The following BICC1 variants were observed in gnomAD, a reference collection of about 807,000 sequenced individuals.
BICC1 encodes the protein protein bicaudal C homolog 1.
In BICC1, 43 loss-of-function variants were observed where a neutral mutation model predicts 111.0. That is an observed-to-expected ratio of 0.39 (90% CI 0.30 to 0.50). The LOEUF is 0.50. Ranked by LOEUF, BICC1 falls within the 20% of genes least tolerant of loss-of-function variation. BICC1 has a pLI of 0.88. For synonymous variants in BICC1, 467 were observed against 434.4 expected, an observed-to-expected ratio of 1.07 and a Z score of -0.93; for missense variants, 1,091 against 1,203.2, an observed-to-expected ratio of 0.91 and a Z score of 1.38.
Position 58,789,436 on chromosome 10 carries a change from A to G in BICC1, c.775A>G (p.Asn259Asp), listed in dbSNP as rs766193556. 32 of 1,613,724 alleles carry G rather than the reference A, an allele frequency of 2.0e-5. No homozygotes were observed. In the African/African-American group the frequency reaches 4.0e-4, roughly 20 times the overall value. The change falls in exon 7 of 21, where the codon AAT (asparagine) becomes GAT (aspartate). Residue 259 changes from asparagine (N) to aspartate (D), a missense_variant. Physicochemically the swap from Asn to Asp is conservative, Grantham distance 23. Around this residue, in one of 3 missense-constraint regions of BICC1, gnomAD observed 843 missense variants for 900.8 expected, o/e 0.94. Transcript: ENST00000373886. ...TACTGTCATAGTACGAGGGTCTCAG[A>G]ATAACACTAGTGCTGTGAAGGTAAA... Reference protein sequence around the residue: ...GATVIVRGSQNNTSAVKEGTA... With the variant: ...GATVIVRGSQDNTSAVKEGTA...
intron 1 of BICC1, among the ~76,000 whole-genome samples, chr10:58,599,265 A>G (rs775779083): frequency 1.1e-4 from 16 of 152,162 alleles, no homozygotes; most frequent in Non-Finnish European, 2.4e-4. Context: ...GTACCTCAAT[A>G]ATAGACTGGA....
chr10:58,632,471 C>T (rs775707539), intron 2 of BICC1, among the ~76,000 whole-genome samples: 31 of 151,384 alleles, frequency 2.0e-4, no homozygotes, highest in Non-Finnish European at 3.2e-4. Flanking sequence ...TCCAGTGTGG[C>T]GAGAGCTTTA....
intron 1 of BICC1, among the ~76,000 whole-genome samples, chr10:58,596,020 T>C (rs1273440395): frequency 1.3e-5 from 2 of 152,086 alleles, no homozygotes; most frequent in Non-Finnish European, 2.9e-5. Context: ...AAAAATGATA[T>C]AGGGGATATC....
chr10:58,754,197 G>A (rs533962976), intron 3 of BICC1, among the ~76,000 whole-genome samples: 2 of 152,176 alleles, frequency 1.3e-5, no homozygotes, highest in African/African-American at 2.4e-5. Context: ...CTCAAACATA[G>A]CTCTGTATAA....
chr10:58,666,980 T>G (rs1414145137), intron 2 of BICC1, among the ~76,000 whole-genome samples: 1 of 152,146 alleles, frequency 6.6e-6, no homozygotes, highest in African/African-American at 2.4e-5. Context: ...ATAAATATAT[T>G]AGACATAATG....
intron 8 of BICC1, among the ~76,000 whole-genome samples, chr10:58,791,555 G>A (rs923879092): frequency 1.3e-4 from 20 of 152,066 alleles, no homozygotes; most frequent in Non-Finnish European, 2.4e-4. Flanking sequence ...GGCCAATATG[G>A]TGAAACCCCA....
chr10:58,795,513 C>G (rs1318645003), intron 9 of BICC1, among the ~76,000 whole-genome samples: 1 of 152,066 alleles, frequency 6.6e-6, no homozygotes, highest in Admixed American at 6.6e-5. Context: ...TCCAGGAGTT[C>G]AGTAAGAAAT....
At chr10:58,715,446 A>G (rs1445966233) in intron 3 of BICC1, 3 of 671,974 alleles carry the variant, frequency 4.5e-6, no homozygotes, top group Non-Finnish European at 8.0e-6. Context: ...CTTAAAAAAT[A>G]AGCAGAGCAG....
intron 3 of BICC1, among the ~76,000 whole-genome samples, chr10:58,746,731 C>A (rs1467366530): frequency 6.6e-6 from 1 of 152,096 alleles, no homozygotes; most frequent in African/African-American, 2.4e-5. Context: ...GCCATTGTTT[C>A]CTAGCTGGGT....
chr10:58,689,938 A>G (rs1400370177), intron 2 of BICC1, among the ~76,000 whole-genome samples: 1 of 152,212 alleles, frequency 6.6e-6, no homozygotes, highest in Non-Finnish European at 1.5e-5. Flanking sequence ...AACTTGATGC[A>G]TTACAAATTT....
At chr10:58,683,488 C>T (rs945077918) in intron 2 of BICC1, among the ~76,000 whole-genome samples, 10 of 152,086 alleles carry the variant, frequency 6.6e-5, no homozygotes, top group African/African-American at 1.7e-4. Flanking sequence ...GCCATTTTCA[C>T]GATATTGATT....
chr10:58,692,155 A>G (rs1224596012), intron 2 of BICC1, among the ~76,000 whole-genome samples: 1 of 152,100 alleles, frequency 6.6e-6, no homozygotes, highest in African/African-American at 2.4e-5. Flanking sequence ...TTGCCACAAT[A>G]TACTGAGTAT....
At chr10:58,674,074 T>G (rs974278112) in intron 2 of BICC1, among the ~76,000 whole-genome samples, 7 of 152,260 alleles carry the variant, frequency 4.6e-5, no homozygotes, top group Admixed American at 4.6e-4. Context: ...TACCAACATT[T>G]TAGAATTAAG....
At chr10:58,639,578 T>G (rs1838058618) in intron 2 of BICC1, among the ~76,000 whole-genome samples, 1 of 147,404 alleles carries the variant, frequency 6.8e-6, no homozygotes, top group African/African-American at 2.5e-5. Context: ...TTTTTTTTTT[T>G]TTTTTTTTTT....
At chr10:58,706,367 TG>T (rs1291528397) in intron 3 of BICC1, among the ~76,000 whole-genome samples, 1 of 152,236 alleles carries the variant, frequency 6.6e-6, no homozygotes, top group African/African-American at 2.4e-5. Context: ...TGATTTGCAA[TG>T]AGCATTTATC....
At chr10:58,816,761 GTGT>G (rs1328710727) in intron 18 of BICC1, among the ~76,000 whole-genome samples, 2 of 147,916 alleles carry the variant, frequency 1.4e-5, no homozygotes, top group Non-Finnish European at 3.0e-5. Flanking sequence ...GTGTGTGTGT[GTGT>G]GTGTGTGTGT....
At chr10:58,696,395 A>T (rs1174847645) in intron 2 of BICC1, among the ~76,000 whole-genome samples, 2 of 152,126 alleles carry the variant, frequency 1.3e-5, no homozygotes, top group Admixed American at 1.3e-4. Flanking sequence ...TATATTTTAA[A>T]ATTGATATTC....
Position 58,828,949 on chromosome 10 carries a change from T to C in BICC1, c.*58T>C, listed in dbSNP as rs991230413. 3 of 1,602,504 alleles carry C rather than the reference T, an allele frequency of 1.9e-6. No individual in the cohort carries two copies. Among genetic ancestry groups the C allele is most frequent in the Non-Finnish European group, 2.6e-6 (3 of 1,173,710 alleles). ...CTGTAAAGTGGACACAGGAGATGTA[T>C]GAACAGCCTTCACAGCACACCATCC... On this transcript the variant is annotated 3_prime_UTR_variant, in exon 21 of 21. Coordinates refer to ENST00000373886, the MANE Select transcript of BICC1 (RefSeq NM_001080512.3).
intron 1 of BICC1, among the ~76,000 whole-genome samples, chr10:58,517,155 C>T (rs7098329): frequency 0.54 from 81,811 of 151,710 alleles, 23,084 homozygotes; most frequent in African/African-American, 0.71. Flanking sequence ...TCCCTTCTTT[C>T]AGTAGAGAAA....
Sources: allele counts gnomAD v4.1 joint callset (sites outside exome capture counted in the v4.1 genomes callset), GRCh38; gene constraint gnomAD v4.1.1; regional missense constraint gnomAD v4.1.1; transcripts MANE v1.5; gene names NCBI Gene and HGNC (gene_info 2026-07-23, HGNC 2026-07-21).